The following NDRG2 variants were observed in gnomAD, a reference collection of about 807,000 sequenced individuals.
NDRG2 encodes the protein protein NDRG2.
A neutral mutation model predicts 58.2 loss-of-function variants in NDRG2; 34 were observed. That is an observed-to-expected ratio of 0.58 (90% CI 0.44 to 0.78). The LOEUF is 0.78. Among genes scored for constraint, NDRG2 ranks in the 30% least tolerant of loss-of-function variants. The probability of loss-of-function intolerance (pLI) is 0.00; values close to 1 mark genes in which losing one functional copy is unlikely to be tolerated. For missense variants in NDRG2, 434 were observed against 471.2 expected, an observed-to-expected ratio of 0.92 and a Z score of 0.73; for synonymous variants, 187 against 175.9, an observed-to-expected ratio of 1.06 and a Z score of -0.50.
chr14:21,051,061 T>C (rs1380632665), intron 1 of NDRG2, among the ~76,000 whole-genome samples: 1 of 152,224 alleles, frequency 6.6e-6, no homozygotes, highest in East Asian at 1.9e-4. Context: ...CCTAAAAAGA[T>C]GGTTTTAGTA....
At chr14:21,033,080 G>A (rs771029764) in intron 1 of NDRG2, 8 of 432,996 alleles carry the variant, frequency 1.8e-5, no homozygotes, top group South Asian at 1.3e-4. Flanking sequence ...TGGGGAATGG[G>A]TGAGAGAAGA....
intron 1 of NDRG2, among the ~76,000 whole-genome samples, chr14:21,053,426 G>A (rs570392190): frequency 6.6e-6 from 1 of 152,268 alleles, no homozygotes; most frequent in East Asian, 1.9e-4. Flanking sequence ...AGGAGTTCGA[G>A]ACCAGCCTGG....
At chr14:21,055,942 T>C (rs1185497614) in intron 1 of NDRG2, among the ~76,000 whole-genome samples, 1 of 152,144 alleles carries the variant, frequency 6.6e-6, no homozygotes, top group Non-Finnish European at 1.5e-5. Flanking sequence ...TTTTCCTGGG[T>C]TCAAAAATCA....
At chr14:21,041,110 C>T (rs574200591) in intron 1 of NDRG2, among the ~76,000 whole-genome samples, 1 of 152,146 alleles carries the variant, frequency 6.6e-6, no homozygotes, top group Non-Finnish European at 1.5e-5. Flanking sequence ...CCTCCCTCCT[C>T]AGCCTCTGGA....
chr14:21,025,451 C>T, upstream of NDRG2: 1 of 985,558 alleles, frequency 1.0e-6, no homozygotes, highest in Non-Finnish European at 1.2e-6. The surrounding 1 kb of genome is among the most constrained non-coding windows in gnomAD (Gnocchi z 5.1). Context: ...GTGGTGGGAA[C>T]CGGTAGTGGG....
Position 21,070,052 on chromosome 14 carries a change from C to G in NDRG2, c.24+776G>C, listed in dbSNP as rs1332340549. On this transcript the variant is annotated intron_variant, in intron 1 of 14. Coordinates refer to the NDRG2 transcript ENST00000403829. The surrounding 1 kb of genome is among the most constrained non-coding windows in gnomAD (Gnocchi z 4.7). ...TCCGAGGGTCAGGGTCGAGGTTACC[C>G]GCTGGAGGGCGGGGCGGAGAAGAAA... Among the ~76,000 whole-genome samples, 3 of 151,860 alleles carry G rather than the reference C, an allele frequency of 2.0e-5. No individual in the cohort carries two copies. The highest frequency in any genetic ancestry group is 4.4e-5 in the Non-Finnish European group (3 of 67,904).
At chr14:21,057,818 C>T (rs1463814135) in intron 1 of NDRG2, 6 of 1,308,614 alleles carry the variant, frequency 4.6e-6, no homozygotes, top group Non-Finnish European at 6.4e-6. Context: ...CTTAGAAGGA[C>T]TAACAAGACT....
intron 1 of NDRG2, among the ~76,000 whole-genome samples, chr14:21,039,941 G>A (rs1594492724): frequency 6.6e-6 from 1 of 152,176 alleles, no homozygotes; most frequent in South Asian, 2.1e-4. Flanking sequence ...CCCACTCTAG[G>A]ATAATGAGAA....
At chr14:21,042,683 T>A (rs958534266) in intron 1 of NDRG2, among the ~76,000 whole-genome samples, 3 of 151,126 alleles carry the variant, frequency 2.0e-5, no homozygotes, top group African/African-American at 7.3e-5. Context: ...CACAGGAACA[T>A]GGAGACACAA....
Position 21,070,799 on chromosome 14 carries a change from GC to G in NDRG2, c.24+28del. 1 of 1,535,278 alleles carries G rather than the reference GC, an allele frequency of 6.5e-7. No individual in the cohort carries two copies. The highest frequency in any genetic ancestry group is 8.7e-7 in the Non-Finnish European group (1 of 1,146,652). On this transcript the variant is annotated intron_variant, in intron 1 of 14. Coordinates refer to the NDRG2 transcript ENST00000403829. This position sits in a 1 kb window ranked among gnomAD's most constrained non-coding sequence, Gnocchi z 4.7. ...TGGTCCTGCAGCGACCCTGGAAGAG[GC>G]CCGGCCCCTCGGGTCATGAGAACTG... is the stretch of plus-strand genomic sequence containing the variant.
intron 1 of NDRG2, chr14:21,058,171 TA>T (rs1044213454): frequency 2.6e-5 from 42 of 1,613,908 alleles, no homozygotes; most frequent in Non-Finnish European, 3.6e-5. Flanking sequence ...AGAATAGCTG[TA>T]AAAACTGCCA....
At chr14:21,034,899 G>A (rs923044516) in intron 1 of NDRG2, 1 of 152,530 alleles carries the variant, frequency 6.6e-6, no homozygotes, top group African/African-American at 2.4e-5. Flanking sequence ...AGTGTCATTG[G>A]AACACTTACT....
At chr14:21,058,280 A>G (rs45545641) in intron 1 of NDRG2, 1 of 1,614,142 alleles carries the variant, frequency 6.2e-7, no homozygotes, top group South Asian at 1.1e-5. Flanking sequence ...CACACCTTAC[A>G]TAGTGGCCTG....
chr14:21,032,387 G>C (rs768349268), intron 1 of NDRG2: 2 of 473,712 alleles, frequency 4.2e-6, no homozygotes, highest in South Asian at 3.2e-5. Context: ...GGAGGTAAAA[G>C]TATCTACTAC....
chr14:21,020,072 G>A, intron 8 of NDRG2, 96 bp from the exon 9 acceptor site: 1 of 1,107,740 alleles, frequency 9.0e-7, no homozygotes, highest in Non-Finnish European at 1.4e-6. Context: ...GAGGCGGGTG[G>A]ATCACGAGGT....
chr14:21,041,915 T>C (rs1379139357), intron 1 of NDRG2, among the ~76,000 whole-genome samples: 1 of 152,096 alleles, frequency 6.6e-6, no homozygotes, highest in Non-Finnish European at 1.5e-5. Flanking sequence ...AACCAGTATC[T>C]CCAGATGACA....
Position 21,017,432 on chromosome 14 carries a change from G to T in NDRG2, c.*164C>A. On this transcript the variant is annotated 3_prime_UTR_variant, in exon 16 of 16. Transcript: ENST00000556147. ...CTTCCAGGAGCTGGGGGGAATCACG[G>T]GTTAAAGGTCAAGGTTAGGGTAGCA... is the stretch of plus-strand genomic sequence containing the variant. The T allele has an allele frequency of 1.3e-6, 1 of 779,932 alleles. No individual in the cohort carries two copies. Among genetic ancestry groups the T allele is most frequent in the Non-Finnish European group, 2.0e-6 (1 of 492,938 alleles). 48.3% of individuals were successfully genotyped at this position (779,932 alleles called of 1,614,324 possible).
At position 21,037,704 on chromosome 14, in the gene NDRG2, T is replaced by TA. The variant is rs550161094; in HGVS notation, c.25-14384dup. Among the ~76,000 whole-genome samples, 679 of 152,316 alleles carry TA rather than the reference T, an allele frequency of 4.5e-3. 5 individuals carry two copies. The highest frequency in any genetic ancestry group is 0.02 in the Middle Eastern group (6 of 294). ...GCAGACTTACTTGTATCTTATGTATTAAAAAAATGATAAACATCTGGGACA... is the reference window on the plus strand; with the variant it reads ...GCAGACTTACTTGTATCTTATGTATTAAAAAAAATGATAAACATCTGGGACA... On this transcript the variant is annotated intron_variant, in intron 1 of 14. Transcript: ENST00000403829.
At chr14:21,026,080 C>G (rs1302531843), upstream of NDRG2, among the ~76,000 whole-genome samples, 2 of 151,952 alleles carry the variant, frequency 1.3e-5, no homozygotes, top group African/African-American at 4.8e-5. Flanking sequence ...GGGGGATGGT[C>G]TCAGGGTCTG....
Sources: gnomAD v4.1 joint callset for allele counts (sites outside exome capture counted in the v4.1 genomes callset) on GRCh38, gnomAD v4.1.1 for gene constraint, Gnocchi (gnomAD v3.1) non-coding constraint, MANE v1.5 for transcripts, NCBI Gene and HGNC (gene_info 2026-07-23, HGNC 2026-07-21) for gene names.